CNTNAP2: variants seen among roughly 807,000 people sequenced by gnomAD.
The protein encoded by CNTNAP2 is contactin associated protein 2.
A neutral mutation model predicts 155.2 loss-of-function variants in CNTNAP2; 98 were observed. That is an observed-to-expected ratio of 0.63 (90% confidence interval 0.54 to 0.75). The LOEUF is 0.75. Among genes scored for constraint, CNTNAP2 ranks in the 30% least tolerant of loss-of-function variants. The probability of loss-of-function intolerance (pLI) is 0.00; values close to 1 mark genes in which losing one functional copy is unlikely to be tolerated. For missense variants in CNTNAP2, 1,727 were observed against 1,688.1 expected (o/e 1.02, Z -0.40); for synonymous variants, 651 against 631.2 (o/e 1.03, Z -0.47).
rs1800090964 is a variant in CNTNAP2, at chr7:148,420,533, A to G, written c.*4917A>G. ...ACACATGTATTAATATACAGCACGC[A>G]TTTACAAGTTTATTTTCCAGATAAA... is the stretch of plus-strand genomic sequence containing the variant. On this transcript the variant is annotated 3_prime_UTR_variant, in exon 24 of 24. Transcript: ENST00000361727. The G allele has an allele frequency of 1.3e-5, 2 of 152,206 alleles. No individual in the cohort carries two copies. The highest frequency in any genetic ancestry group is 6.5e-5 in the Admixed American group (1 of 15,280). 9.4% of individuals were successfully genotyped at this position (152,206 alleles called of 1,614,324 possible). A position where few individuals can be genotyped will look rare whatever the true frequency, so the allele number is the denominator to read the frequency against.
At chr7:147,940,532 T>G (rs530705748) in intron 14 of CNTNAP2, among the ~76,000 whole-genome samples, 1 of 151,940 alleles carries the variant, frequency 6.6e-6, no homozygotes, top group South Asian at 2.1e-4. Flanking sequence ...TTTTAATTAT[T>G]TATTTATTTA....
intron 12 of CNTNAP2, among the ~76,000 whole-genome samples, chr7:147,633,774 G>A (rs1392570192): frequency 1.3e-5 from 2 of 152,108 alleles, no homozygotes; most frequent in African/African-American, 4.8e-5. Flanking sequence ...CTGTGAAGAG[G>A]TGCCTTCTGC....
At chr7:147,421,171 T>A (rs143599489) in intron 10 of CNTNAP2, among the ~76,000 whole-genome samples, 3 of 152,232 alleles carry the variant, frequency 2.0e-5, no homozygotes, top group Non-Finnish European at 2.9e-5. Context: ...AACAAATGAG[T>A]AGGTGTTCTG....
chr7:146,486,939 C>A (rs528747426), intron 1 of CNTNAP2, among the ~76,000 whole-genome samples: 1 of 152,270 alleles, frequency 6.6e-6, no homozygotes, highest in South Asian at 2.1e-4. Context: ...TGTACTGTAA[C>A]TTCACTCTGT....
chr7:146,861,154 G>A (rs904667859), intron 3 of CNTNAP2, among the ~76,000 whole-genome samples: 2 of 151,892 alleles, frequency 1.3e-5, no homozygotes, highest in African/African-American at 2.4e-5. Flanking sequence ...TCCGCCTCCC[G>A]GGTTCAAGCG....
intron 1 of CNTNAP2, among the ~76,000 whole-genome samples, chr7:146,371,905 G>A (rs1795242162): frequency 6.6e-6 from 1 of 150,678 alleles, no homozygotes; most frequent in Non-Finnish European, 1.5e-5. Context: ...GTTGCAGTAA[G>A]CCAAGATCGC....
chr7:147,593,701 C>A (rs1262397223), intron 12 of CNTNAP2, among the ~76,000 whole-genome samples: 11 of 152,122 alleles, frequency 7.2e-5, no homozygotes, highest in African/African-American at 2.2e-4. Context: ...TACAGGTAAT[C>A]CTACTGTTTG....
chr7:147,139,375 C>T (rs992179328), intron 8 of CNTNAP2, among the ~76,000 whole-genome samples: 1 of 151,882 alleles, frequency 6.6e-6, no homozygotes, highest in Non-Finnish European at 1.5e-5. Flanking sequence ...TTTGCAATTG[C>T]GTGTCTAATT....
At chr7:147,065,169 T>A (rs1221330402) in intron 4 of CNTNAP2, among the ~76,000 whole-genome samples, 1 of 152,104 alleles carries the variant, frequency 6.6e-6, no homozygotes, top group African/African-American at 2.4e-5. Context: ...GTCATTGACC[T>A]TTTTGGAGCT....
At chr7:146,352,745 A>ATTTTTTTTTT (rs1794933581) in intron 1 of CNTNAP2, among the ~76,000 whole-genome samples, 2 of 81,988 alleles carry the variant, frequency 2.4e-5, no homozygotes, top group African/African-American at 1.4e-4. Flanking sequence ...AATTAGCATA[A>ATTTTTTTTTT]TTCTGTTTTT....
chr7:146,812,089 C>T (rs1017849537), intron 2 of CNTNAP2, among the ~76,000 whole-genome samples: 2 of 151,974 alleles, frequency 1.3e-5, no homozygotes, highest in South Asian at 4.1e-4. Context: ...GTATAGATAC[C>T]TGAAAATGTG....
intron 14 of CNTNAP2, among the ~76,000 whole-genome samples, chr7:147,957,324 C>G (rs143781138): frequency 4.6e-5 from 7 of 152,068 alleles, no homozygotes; most frequent in African/African-American, 7.2e-5. Context: ...ACCTTGGAAT[C>G]TAAACTAATG....
chr7:147,763,787 G>T (rs1797343983), intron 13 of CNTNAP2, among the ~76,000 whole-genome samples: 1 of 152,204 alleles, frequency 6.6e-6, no homozygotes, highest in African/African-American at 2.4e-5. Context: ...GAGCAGCAGT[G>T]TGGGGAGCTA....
chr7:147,483,821 TC>T (rs1203237364), intron 10 of CNTNAP2, among the ~76,000 whole-genome samples: 4 of 152,198 alleles, frequency 2.6e-5, no homozygotes, highest in Non-Finnish European at 4.4e-5. Flanking sequence ...CTGTGTGTGT[TC>T]CCACGCCTCA....
chr7:146,505,705 C>G (rs540512209), intron 1 of CNTNAP2, among the ~76,000 whole-genome samples: 1 of 152,304 alleles, frequency 6.6e-6, no homozygotes, highest in South Asian at 2.1e-4. Context: ...TGGCCAAAGC[C>G]AGGTTTTTTG....
intron 1 of CNTNAP2, among the ~76,000 whole-genome samples, chr7:146,685,316 T>C (rs2642492): frequency 1.3e-5 from 2 of 152,154 alleles, no homozygotes; most frequent in East Asian, 1.9e-4. Context: ...TTCCTATAGA[T>C]AGATGATTTT....
chr7:147,088,803 A>T (rs1463874391), intron 4 of CNTNAP2, among the ~76,000 whole-genome samples: 1 of 151,958 alleles, frequency 6.6e-6, no homozygotes, highest in African/African-American at 2.4e-5. Context: ...AATTAGCTGG[A>T]CATGGTGGTG....
chr7:147,737,547 TCAGA>T (rs147967242), intron 13 of CNTNAP2, among the ~76,000 whole-genome samples: 95,468 of 151,292 alleles, frequency 0.63, 33,111 homozygotes, highest in East Asian at 0.93. Context: ...TTCCAAGCTG[TCAGA>T]CAGGGACATT....
chr7:146,881,619 T>G (rs1795551861), intron 3 of CNTNAP2, among the ~76,000 whole-genome samples: 1 of 151,990 alleles, frequency 6.6e-6, no homozygotes, highest in South Asian at 2.1e-4. Context: ...ATGAAAAATT[T>G]ATGATTTTTT....
Sources: gnomAD v4.1 joint callset for allele counts (sites outside exome capture counted in the v4.1 genomes callset) on GRCh38, gnomAD v4.1.1 for gene constraint, MANE v1.5 for transcripts, NCBI Gene and HGNC (gene_info 2026-07-23, HGNC 2026-07-21) for gene names.